REDIC1: variants seen among roughly 807,000 people sequenced by gnomAD.
REDIC1 encodes the protein regulator of DNA class I crossover intermediates 1.
chr12:39,666,323 T>C, the REDIC1 span, among the ~76,000 whole-genome samples: 2 of 152,222 alleles, frequency 1.3e-5, no homozygotes, highest in East Asian at 1.9e-4. Flanking sequence ...ATTGAGATAA[T>C]CATGTGGCTT....
At chr12:39,810,981 A>G in the REDIC1 span, among the ~76,000 whole-genome samples, 1 of 152,224 alleles carries the variant, frequency 6.6e-6, no homozygotes, top group African/African-American at 2.4e-5. Flanking sequence ...CCCTTTTCTG[A>G]AAGAGTTTAT....
At chr12:39,892,833 A>C in the REDIC1 span, among the ~76,000 whole-genome samples, 1 of 152,218 alleles carries the variant, frequency 6.6e-6, no homozygotes, top group East Asian at 1.9e-4. Context: ...TAAATAAGGA[A>C]AAACAACCAA....
chr12:39,637,289 A>G, the REDIC1 span, among the ~76,000 whole-genome samples: 1 of 152,058 alleles, frequency 6.6e-6, no homozygotes, highest in African/African-American at 2.4e-5. Context: ...ACCTATTATA[A>G]TGACAACTAA....
At chr12:39,711,759 G>C in the REDIC1 span, among the ~76,000 whole-genome samples, 147 of 132,328 alleles carry the variant, frequency 1.1e-3, 2 homozygotes, top group Admixed American at 5.8e-3. Context: ...ACATGCATGT[G>C]TATGTGTGTG....
chr12:39,751,663 C>G, the REDIC1 span, among the ~76,000 whole-genome samples: 1 of 152,120 alleles, frequency 6.6e-6, no homozygotes, highest in African/African-American at 2.4e-5. Flanking sequence ...AAATGTCCAT[C>G]AATGATAGAC....
At chr12:39,716,100 A>T in the REDIC1 span, among the ~76,000 whole-genome samples, 1 of 152,006 alleles carries the variant, frequency 6.6e-6, no homozygotes, top group East Asian at 1.9e-4. Flanking sequence ...GTGATCTGGT[A>T]TGTGTTGTTT....
chr12:39,783,511 C>T, the REDIC1 span, among the ~76,000 whole-genome samples: 148,050 of 152,244 alleles, frequency 0.97, 71,990 homozygotes, highest in East Asian at 1. Flanking sequence ...TTCCTATTAC[C>T]CCACATCCTC....
chr12:39,721,768 T>A, the REDIC1 span: 1 of 152,262 alleles, frequency 6.6e-6, no homozygotes, highest in Non-Finnish European at 1.5e-5. Context: ...AGCATTAATT[T>A]GTAGATAACA....
At chr12:39,826,854 A>ATTTTTTTTTTTTTTT in the REDIC1 span, among the ~76,000 whole-genome samples, 18 of 67,384 alleles carry the variant, frequency 2.7e-4, no homozygotes, top group East Asian at 1.2e-3. Flanking sequence ...GTCTCTTTCA[A>ATTTTTTTTTTTTTTT]TTTTTTTTTT....
chr12:39,906,057 T>C, the REDIC1 span, among the ~76,000 whole-genome samples: 1 of 152,132 alleles, frequency 6.6e-6, no homozygotes, highest in Non-Finnish European at 1.5e-5. Context: ...CATGACAACT[T>C]TATCACGATA....
the REDIC1 span, among the ~76,000 whole-genome samples, chr12:39,732,670 A>C: frequency 1.3e-5 from 2 of 152,186 alleles, no homozygotes; most frequent in Non-Finnish European, 2.9e-5. Flanking sequence ...TTTCAAAATA[A>C]CCAGTAGGCT....
chr12:39,846,749 G>A, the REDIC1 span, among the ~76,000 whole-genome samples: 3 of 152,124 alleles, frequency 2.0e-5, no homozygotes, highest in African/African-American at 7.2e-5. Context: ...ACAATGCCCA[G>A]CCTCACTTAA....
At chr12:39,650,225 AT>A in the REDIC1 span, 1,449 of 1,428,630 alleles carry the variant, frequency 1.0e-3, 1 homozygote, top group African/African-American at 9.1e-3. This position sits in a 1 kb window ranked among gnomAD's most constrained non-coding sequence, Gnocchi z 4.3. Context: ...GTTTCTTCAA[AT>A]TTTTTTTTTC....
At chr12:39,692,499 A>G in the REDIC1 span, among the ~76,000 whole-genome samples, 2 of 150,626 alleles carry the variant, frequency 1.3e-5, no homozygotes, top group Non-Finnish European at 3.0e-5. Context: ...TGAACTTTCT[A>G]TATATTGATC....
the REDIC1 span, among the ~76,000 whole-genome samples, chr12:39,848,852 C>T: frequency 1.7e-3 from 265 of 152,132 alleles, 3 homozygotes; most frequent in African/African-American, 6.0e-3. Flanking sequence ...TAAAAAAGGA[C>T]GAGATCACAT....
At chr12:39,843,264 A>T in the REDIC1 span, among the ~76,000 whole-genome samples, 1 of 152,054 alleles carries the variant, frequency 6.6e-6, no homozygotes, top group African/African-American at 2.4e-5. Context: ...GTACAGAATG[A>T]GTCAGGTTTT....
chr12:39,669,879 T>C, the REDIC1 span, among the ~76,000 whole-genome samples: 7 of 151,904 alleles, frequency 4.6e-5, no homozygotes, highest in Admixed American at 4.6e-4. Context: ...CCTGTTGTGC[T>C]GTTTGCTAAG....
the REDIC1 span, among the ~76,000 whole-genome samples, chr12:39,868,552 A>G: frequency 6.6e-6 from 1 of 152,170 alleles, no homozygotes; most frequent in Admixed American, 6.5e-5. Flanking sequence ...TTAAGGCCCA[A>G]TAATCCATGT....
chr12:39,694,780 G>T, the REDIC1 span, among the ~76,000 whole-genome samples: 1 of 152,158 alleles, frequency 6.6e-6, no homozygotes, highest in Non-Finnish European at 1.5e-5. Context: ...AGCTAAGGGA[G>T]TGTGGCAATC....
Sources: allele counts gnomAD v4.1 joint callset (sites outside exome capture counted in the v4.1 genomes callset), GRCh38; gene constraint gnomAD v4.1.1; non-coding constraint Gnocchi (gnomAD v3.1); transcripts MANE v1.5; gene names NCBI Gene and HGNC (gene_info 2026-07-23, HGNC 2026-07-21).